Variants in DPT observed in about 807,000 individuals in gnomAD.
DPT encodes the protein tyrosine-rich acidic matrix protein.
A neutral mutation model predicts 31.2 loss-of-function variants in DPT; 21 were observed. The observed-to-expected ratio is 0.67, with a 90% CI of 0.48 to 0.97. The LOEUF (loss-of-function observed/expected upper bound fraction) is 0.97. Ranked by LOEUF, DPT falls within the 50% of genes least tolerant of loss-of-function variation. DPT has a pLI of 0.00. For missense variants in DPT, 262 were observed against 258.8 expected (o/e 1.01, Z -0.08); for synonymous variants, 91 against 86.9 (o/e 1.05, Z -0.26).
At position 168,728,373 on chromosome 1, in the gene DPT, T is replaced by A. The variant is rs112845223; in HGVS notation, c.305+497A>T. 1.7e-3 allele frequency among the ~76,000 whole-genome samples: 260 copies of A among 152,342 alleles called. 1 individual carries two copies. The highest frequency in any genetic ancestry group is 6.0e-3 in the African/African-American group (248 of 41,574). ...TTCACTTGCTCTAAATCAATAGTTC[T>A]CAAACCCTCCGTGCTGAGAGATCAA... On this transcript the variant is annotated intron_variant, in intron 1 of 3. Transcript: ENST00000367817.
chr1:168,721,659 A>T (rs768129522), intron 1 of DPT, among the ~76,000 whole-genome samples: 2 of 152,156 alleles, frequency 1.3e-5, no homozygotes, highest in African/African-American at 2.4e-5. Flanking sequence ...ATTCCAAATC[A>T]TACTAACTTT....
intron 2 of DPT, among the ~76,000 whole-genome samples, chr1:168,703,982 AG>A (rs1351315339): frequency 3.3e-5 from 5 of 152,342 alleles, no homozygotes; most frequent in Admixed American, 2.0e-4. Flanking sequence ...GCCCAGTAAT[AG>A]CTCCTTAGAG....
intron 3 of DPT, among the ~76,000 whole-genome samples, chr1:168,699,312 TTTC>T (rs908609537): frequency 1.3e-5 from 2 of 152,148 alleles, no homozygotes; most frequent in Admixed American, 1.3e-4. Context: ...TTCTTGAGCC[TTTC>T]ATTTTCTTTA....
At chr1:168,700,868 A>G in intron 3 of DPT, 149 bp downstream of exon 3, 1 of 592,494 alleles carries the variant, frequency 1.7e-6, no homozygotes. Context: ...TGTGCATGTA[A>G]GAAATTTTCA....
intron 2 of DPT, among the ~76,000 whole-genome samples, chr1:168,706,050 C>T (rs523587): frequency 0.45 from 68,556 of 151,692 alleles, 15,536 homozygotes; most frequent in East Asian, 0.5. Flanking sequence ...TGCCCAGTCT[C>T]GGGTATGTCT....
At chr1:168,717,623 T>C (rs988652147) in intron 1 of DPT, among the ~76,000 whole-genome samples, 1 of 152,204 alleles carries the variant, frequency 6.6e-6, no homozygotes, top group African/African-American at 2.4e-5. Flanking sequence ...TATTATGAAG[T>C]CTTTGTCCAT....
intron 1 of DPT, among the ~76,000 whole-genome samples, chr1:168,715,878 T>C (rs924316627): frequency 3.9e-5 from 6 of 152,222 alleles, no homozygotes; most frequent in African/African-American, 1.4e-4. Context: ...TCCCCTCTTA[T>C]GAGTGGGCAG....
intron 3 of DPT, among the ~76,000 whole-genome samples, chr1:168,697,850 T>G (rs1572622723): frequency 1.3e-5 from 2 of 152,326 alleles, no homozygotes; most frequent in East Asian, 3.9e-4. Flanking sequence ...CGCAGTTTAT[T>G]GTACTCAAAT....
At position 168,726,854 on chromosome 1, in the gene DPT, T is replaced by C. The variant is rs141093816; in HGVS notation, c.305+2016A>G. On this transcript the variant is annotated intron_variant, in intron 1 of 3. Transcript: ENST00000367817. ...GAATCAGCATCTGTCAGAAGGGGTT[T>C]TGAATAACTAAATCTGCTCACCAGA... is the stretch of plus-strand genomic sequence containing the variant. 4.9e-4 allele frequency among the ~76,000 whole-genome samples: 74 copies of C among 152,326 alleles called. 1 individual carries two copies. In the East Asian group the frequency reaches 0.013, roughly 26 times the overall value.
Sources: allele counts gnomAD v4.1 joint callset (sites outside exome capture counted in the v4.1 genomes callset), GRCh38; gene constraint gnomAD v4.1.1; transcripts MANE v1.5; gene names NCBI Gene and HGNC (gene_info 2026-07-23, HGNC 2026-07-21).